Variants in HPN observed in about 807,000 individuals in gnomAD.
The protein encoded by HPN is hepsin.
A neutral mutation model predicts 55.9 loss-of-function variants in HPN; 13 were observed. The ratio of observed to expected loss-of-function variants is 0.23; its 90% CI spans 0.15 to 0.37. HPN has a LOEUF of 0.37. Ranked by LOEUF, HPN falls within the 10% of genes least tolerant of loss-of-function variation. The pLI, the probability that HPN is intolerant of heterozygous loss-of-function variation, is 1.00. For missense variants in HPN, 451 were observed against 575.8 expected (o/e 0.78, Z 2.22); for synonymous variants, 225 against 240.3 (o/e 0.94, Z 0.59).
chr19:35,043,415 G>T (rs569174645), intron 2 of HPN, among the ~76,000 whole-genome samples: 1 of 152,162 alleles, frequency 6.6e-6, no homozygotes. Flanking sequence ...CTCTTCTTCC[G>T]CAACCAGGAT....
At chr19:35,053,980 G>A (rs1671718064) in intron 4 of HPN, among the ~76,000 whole-genome samples, 1 of 152,200 alleles carries the variant, frequency 6.6e-6, no homozygotes, top group African/African-American at 2.4e-5. Context: ...AGGGAGACAG[G>A]CAAGGGTTTG....
In HPN at chr19:35,059,971, A is replaced by G; in HGVS notation, c.388A>G (p.Arg130Gly). 2.6e-6 allele frequency: 4 copies of G among 1,560,170 alleles called. No homozygotes were observed. In the East Asian group the frequency reaches 9.0e-5, roughly 35 times the overall value. ...CGAGGGGAGGCTGCCCCACACCCAG[A>G]GGCTGCTGGAGGTCATCTCCGTGTG... The part of the protein sequence containing the change: ...VDEGRLPHTQ[R>G]LLEVISVCDC... Residue 130 changes from arginine to glycine, a missense_variant, in exon 6 of 13, where the codon AGG (arginine) becomes GGG (glycine). By Grantham distance (125) the Arg-to-Gly change is moderately radical. Coordinates refer to ENST00000672452, the MANE Select transcript of HPN (RefSeq NM_001384133.1).
Position 35,066,046 on chromosome 19 carries a change from C to A in HPN, c.1215+14C>A. On this transcript the variant is annotated intron_variant, in intron 12 of 12. Coordinates refer to ENST00000672452, the MANE Select transcript of HPN (RefSeq NM_001384133.1). ...CAGGCCATAAAGGTGAAAGTTGGGT[C>A]CAGATGGGAGCCAGGGTGGGGACGT... The A allele has an allele frequency of 6.2e-7, 1 of 1,609,782 alleles. No homozygotes were observed. Among genetic ancestry groups the A allele is most frequent in the Non-Finnish European group, 8.5e-7 (1 of 1,180,008 alleles).
At chr19:35,044,189 C>G (rs1013220419) in intron 2 of HPN, among the ~76,000 whole-genome samples, 1 of 152,150 alleles carries the variant, frequency 6.6e-6, no homozygotes, top group South Asian at 2.1e-4. Flanking sequence ...GCGGTGCGTC[C>G]GTGTGTGATT....
chr19:35,047,325 G>A (rs983249357), intron 2 of HPN, among the ~76,000 whole-genome samples: 7 of 152,224 alleles, frequency 4.6e-5, no homozygotes, highest in Admixed American at 4.6e-4. Flanking sequence ...GCCTTTGCCT[G>A]TGCTGTTCCC....
chr19:35,059,203 T>C (rs1040959732), intron 4 of HPN: 11 of 322,302 alleles, frequency 3.4e-5, no homozygotes, highest in Non-Finnish European at 3.0e-5. Flanking sequence ...TAATCCCACC[T>C]GTAATCCCAG....
Position 35,048,026 on chromosome 19 carries a change from GAAA to G in HPN, c.17-1261_17-1259del, listed in dbSNP as rs369625763. On this transcript the variant is annotated intron_variant, in intron 2 of 12. Transcript: ENST00000672452. ...AAAGAAAAAGAAAGAGAGAGAGAGA[GAAA>G]AAGAAAGAAAGAAAGAAAGAAAGAA... 9.9e-3 allele frequency among the ~76,000 whole-genome samples: 547 copies of G among 55,520 alleles called. 16 individuals are homozygous for G. Among genetic ancestry groups the G allele is most frequent in the Middle Eastern group, 0.045 (5 of 110 alleles). 36.4% of individuals were successfully genotyped at this position (55,520 alleles called of 152,430 possible).
chr19:35,049,433 C>T (rs1181894800), intron 3 of HPN, 42 bp downstream of exon 3: 5 of 1,612,572 alleles, frequency 3.1e-6, no homozygotes, highest in Non-Finnish European at 4.2e-6. Flanking sequence ...CTGGCCCCTG[C>T]AGCCTCCAGC....
At chr19:35,056,939 T>C (rs1331949361) in intron 4 of HPN, among the ~76,000 whole-genome samples, 1 of 152,180 alleles carries the variant, frequency 6.6e-6, no homozygotes, top group Non-Finnish European at 1.5e-5. Flanking sequence ...TTTCTGACTA[T>C]AGGATATTGA....
At chr19:35,064,358 T>C (rs2064575157) in intron 9 of HPN, among the ~76,000 whole-genome samples, 1 of 152,116 alleles carries the variant, frequency 6.6e-6, no homozygotes, top group African/African-American at 2.4e-5. Flanking sequence ...TCTCTCTCTT[T>C]CTTTTTTTGA....
intron 4 of HPN, among the ~76,000 whole-genome samples, chr19:35,058,587 TTATTA>T (rs1287580726): frequency 2.7e-5 from 4 of 146,004 alleles, no homozygotes; most frequent in African/African-American, 7.5e-5. Context: ...TAATAATATA[TTATTA>T]TATTATAACA....
At chr19:35,051,154 G>C (rs1398794594) in intron 4 of HPN, among the ~76,000 whole-genome samples, 1 of 152,006 alleles carries the variant, frequency 6.6e-6, no homozygotes, top group Non-Finnish European at 1.5e-5. Flanking sequence ...TGTCGCCCAG[G>C]CAGGAGTGCT....
intron 4 of HPN, among the ~76,000 whole-genome samples, chr19:35,056,808 T>A (rs1000317569): frequency 6.6e-6 from 1 of 152,196 alleles, no homozygotes; most frequent in Non-Finnish European, 1.5e-5. Flanking sequence ...AGTGAATGAA[T>A]GAATACTCCA....
At position 35,065,281 on chromosome 19, in the gene HPN, C is replaced by T. The variant is rs199890888; in HGVS notation, c.843C>T (p.Ala281=). 58 of 1,613,914 alleles carry T rather than the reference C, an allele frequency of 3.6e-5. No homozygotes were observed. The highest frequency in any genetic ancestry group is 3.1e-4 in the East Asian group (14 of 44,884). ...EYIQPVCLPA[A]GQALVDGKIC... is the part of the protein sequence containing the mutation. ...TCCAGCCTGTGTGCCTCCCAGCTGC[C>T]GGCCAGGCCCTGGTGGATGGCAAGA... Residue 281 remains alanine (A), a synonymous_variant, in exon 10 of 13, where the codon GCC becomes GCT. Transcript: ENST00000672452.
Position 35,041,739 on chromosome 19 carries a change from A to G in HPN, c.-188A>G. 1 of 1,214,046 alleles carries G rather than the reference A, an allele frequency of 8.2e-7. No homozygotes were observed. Among genetic ancestry groups the G allele is most frequent in the South Asian group, 1.3e-5 (1 of 74,844 alleles). The allele number at this position is 1,214,046 out of a possible 1,614,324, so 75.2% of individuals were successfully genotyped here. ...CTCCTCAGGTGAGGCAGCCTGGCCT[A>G]GCAGGCCCCACGCCACCGCCTCTGC... On this transcript the variant is annotated 5_prime_UTR_variant, in exon 1 of 13. Transcript: ENST00000672452.
chr19:35,056,627 T>A (rs2064458121), intron 4 of HPN, among the ~76,000 whole-genome samples: 1 of 152,110 alleles, frequency 6.6e-6, no homozygotes, highest in Non-Finnish European at 1.5e-5. Flanking sequence ...CCCTGCCTCA[T>A]GTCACAATTT....
intron 9 of HPN, among the ~76,000 whole-genome samples, chr19:35,065,032 G>A (rs534176194): frequency 2.2e-4 from 34 of 152,186 alleles, no homozygotes; most frequent in African/African-American, 7.5e-4. Flanking sequence ...ACGTTGGCCA[G>A]GCTGGTCTCA....
chr19:35,062,343 G>A (rs1388701517), intron 9 of HPN, among the ~76,000 whole-genome samples: 4 of 152,112 alleles, frequency 2.6e-5, no homozygotes, highest in Non-Finnish European at 4.4e-5. Context: ...GCCTTTAAAA[G>A]GAATTGTCTA....
At chr19:35,058,192 A>G (rs942038421) in intron 4 of HPN, among the ~76,000 whole-genome samples, 1 of 150,926 alleles carries the variant, frequency 6.6e-6, no homozygotes, top group Non-Finnish European at 1.5e-5. Flanking sequence ...ATACATATAT[A>G]TTTTTGAGAT....
Sources: gnomAD v4.1 joint callset for allele counts (sites outside exome capture counted in the v4.1 genomes callset) on GRCh38, gnomAD v4.1.1 for gene constraint, MANE v1.5 for transcripts, NCBI Gene and HGNC (gene_info 2026-07-23, HGNC 2026-07-21) for gene names.